RAB21: variants seen among roughly 807,000 people sequenced by gnomAD.
RAB21 encodes RAB21, member RAS oncogene family, also known as ras-related protein Rab-21.
In RAB21, 13 loss-of-function variants were observed where a neutral mutation model predicts 33.1. That is an observed-to-expected ratio of 0.39 (90% CI 0.26 to 0.62). The LOEUF is 0.62. Among genes scored for constraint, RAB21 ranks in the 20% least tolerant of loss-of-function variants. RAB21 has a pLI of 0.48. For missense variants in RAB21, 234 were observed against 279.1 expected, an observed-to-expected ratio of 0.84 and a Z score of 1.15; for synonymous variants, 91 against 103.7, an observed-to-expected ratio of 0.88 and a Z score of 0.74.
At position 71,779,195 on chromosome 12, in the gene RAB21, C is replaced by T. The variant is rs184615631; in HGVS notation, c.392-2836C>T. Reference sequence around the variant, plus strand: ...ACAGTTATGGCCAGGCGTGGTGACTCTGGCCTTTAATCCGAGCATTTAGGG... The same window carrying T: ...ACAGTTATGGCCAGGCGTGGTGACTTTGGCCTTTAATCCGAGCATTTAGGG... On this transcript the variant is annotated intron_variant, in intron 4 of 6. Transcript: ENST00000261263. Among the ~76,000 whole-genome samples the T allele has an allele frequency of 1.4e-3, 207 of 152,300 alleles. 1 individual carries two copies. The highest frequency in any genetic ancestry group is 4.9e-3 in the African/African-American group (202 of 41,552).
rs1467952143 is a variant in RAB21 at position 71,795,946 on chromosome 12, A to G, written c.*10273A>G. The G allele has an allele frequency of 2.9e-5, 4 of 137,816 alleles. 1 individual carries two copies. The highest frequency in any genetic ancestry group is 1.5e-4 in the Admixed American group (2 of 13,400). 8.5% of individuals were successfully genotyped at this position (137,816 alleles called of 1,614,324 possible). ...ATTGCATGTGCCAGTTACTTAATTT[A>G]ATACATCTAATGGGAGATTCAAAGC... On this transcript the variant is annotated 3_prime_UTR_variant, in exon 7 of 7. Transcript: ENST00000261263.
chr12:71,781,023 A>G (rs1056795766), intron 4 of RAB21, among the ~76,000 whole-genome samples: 6 of 152,120 alleles, frequency 3.9e-5, no homozygotes, highest in Non-Finnish European at 7.4e-5. Context: ...AGTATTTTGC[A>G]GTTTCTTCAT....
chr12:71,779,807 T>C (rs973510607), intron 4 of RAB21, among the ~76,000 whole-genome samples: 1 of 152,220 alleles, frequency 6.6e-6, no homozygotes, highest in Non-Finnish European at 1.5e-5. Flanking sequence ...GTCCTTGTTT[T>C]CAGGTGTTTT....
Position 71,791,636 on chromosome 12 carries a change from A to T in RAB21, c.*5963A>T, listed in dbSNP as rs1326411896. 1 of 152,242 alleles carries T rather than the reference A, an allele frequency of 6.6e-6. No individual in the cohort carries two copies. Among genetic ancestry groups the T allele is most frequent in the South Asian group, 2.1e-4 (1 of 4,836 alleles). 9.4% of individuals were successfully genotyped at this position (152,242 alleles called of 1,614,324 possible). A position where few individuals can be genotyped will look rare whatever the true frequency, so the allele number is the denominator to read the frequency against. The stretch of plus-strand genomic sequence containing the variant: ...AACTTGTATTTGATCTGTGCCTTTA[A>T]TATAGAGTAAAAACAAAAGTTCCTT... On this transcript the variant is annotated 3_prime_UTR_variant, in exon 7 of 7. Transcript: ENST00000261263.
chr12:71,778,070 G>A (rs1883146915), intron 4 of RAB21, among the ~76,000 whole-genome samples: 2 of 152,114 alleles, frequency 1.3e-5, no homozygotes, highest in Admixed American at 6.5e-5. Context: ...ATTTCAGTTT[G>A]TCATGTTTTT....
At chr12:71,771,379 G>A (rs1351483589) in intron 3 of RAB21, among the ~76,000 whole-genome samples, 3 of 152,120 alleles carry the variant, frequency 2.0e-5, no homozygotes, top group Non-Finnish European at 4.4e-5. Context: ...TAACTACAGG[G>A]AATAATGCCA....
chr12:71,782,220 T>C (rs910064578), intron 5 of RAB21, 135 bp downstream of exon 5: 9 of 850,636 alleles, frequency 1.1e-5, no homozygotes, highest in Non-Finnish European at 1.6e-5. Flanking sequence ...GAAGCATGTT[T>C]ACATGGTAAT....
rs1883302317 is a variant in RAB21, at chr12:71,786,941, TCA to T, written c.*1269_*1270del. The T allele has an allele frequency of 6.6e-6, 1 of 152,240 alleles. No homozygotes were observed. Among genetic ancestry groups the T allele is most frequent in the African/African-American group, 2.4e-5 (1 of 41,454 alleles). 9.4% of individuals were successfully genotyped at this position (152,240 alleles called of 1,614,324 possible). On this transcript the variant is annotated 3_prime_UTR_variant, in exon 7 of 7. Transcript: ENST00000261263. ...CACTTCTGCAATAGCTTTCATTTTC[TCA>T]TAGGCTTTATAAGAGATGGGTTCAG... is the stretch of plus-strand genomic sequence containing the variant.
intron 4 of RAB21, among the ~76,000 whole-genome samples, chr12:71,776,266 A>C (rs1592647985): frequency 6.6e-6 from 1 of 152,306 alleles, no homozygotes; most frequent in East Asian, 1.9e-4. Context: ...AAATCATCTA[A>C]GTTAAACAAG....
At chr12:71,768,949 C>A (rs1883000858) in intron 1 of RAB21, among the ~76,000 whole-genome samples, 1 of 150,438 alleles carries the variant, frequency 6.6e-6, no homozygotes, top group Non-Finnish European at 1.5e-5. Flanking sequence ...GTGTGTGTGT[C>A]TAAATACATG....
Position 71,792,821 on chromosome 12 carries a change from AT to A in RAB21, c.*7149del, listed in dbSNP as rs1290007019. 3.3e-5 allele frequency: 5 copies of A among 152,206 alleles called. No individual in the cohort carries two copies. Among genetic ancestry groups the A allele is most frequent in the African/African-American group, 1.2e-4 (5 of 41,440 alleles). The allele number at this position is 152,206 out of a possible 1,614,324, so 9.4% of individuals were successfully genotyped here. A position where few individuals can be genotyped will look rare whatever the true frequency, so the allele number is the denominator to read the frequency against. On this transcript the variant is annotated 3_prime_UTR_variant, in exon 7 of 7. Coordinates refer to ENST00000261263, the MANE Select transcript of RAB21 (RefSeq NM_014999.4). ...ATACCTGTTGCACATAGTCCAAGAT[AT>A]AAGTAATTTATCTGGGGATATAAGG...
At chr12:71,782,731 T>G in intron 6 of RAB21, 73 bp downstream of exon 6, 1 of 960,872 alleles carries the variant, frequency 1.0e-6, no homozygotes, top group Non-Finnish European at 1.5e-6. Flanking sequence ...GTATGTATTT[T>G]ACACCAGTGT....
intron 3 of RAB21, among the ~76,000 whole-genome samples, chr12:71,773,602 A>G (rs2137650108): frequency 6.6e-6 from 1 of 152,296 alleles, no homozygotes; most frequent in South Asian, 2.1e-4. Flanking sequence ...TTTTAAACCC[A>G]TATGTTCCTA....
Position 71,793,146 on chromosome 12 carries a change from T to G in RAB21, c.*7473T>G, listed in dbSNP as rs1001586024. 13 of 152,210 alleles carry G rather than the reference T, an allele frequency of 8.5e-5. No homozygotes were observed. The highest frequency in any genetic ancestry group is 3.1e-4 in the African/African-American group (13 of 41,454). 9.4% of individuals were successfully genotyped at this position (152,210 alleles called of 1,614,324 possible). A position where few individuals can be genotyped will look rare whatever the true frequency, so the allele number is the denominator to read the frequency against. On this transcript the variant is annotated 3_prime_UTR_variant, in exon 7 of 7. Transcript: ENST00000261263. ...TGCTTATTTAGACAGCAGCCATTTTTGTTTGGTTTGGTTTGGTTTTGCGGT... is the reference window on the plus strand; with the variant it reads ...TGCTTATTTAGACAGCAGCCATTTTGGTTTGGTTTGGTTTGGTTTTGCGGT...
At chr12:71,756,140 A>G (rs1397966893) in intron 1 of RAB21, among the ~76,000 whole-genome samples, 2 of 152,132 alleles carry the variant, frequency 1.3e-5, no homozygotes, top group African/African-American at 4.8e-5. Flanking sequence ...TGACTTACCA[A>G]TTTGGTCAAA....
rs1883506782 is a variant in RAB21 at position 71,799,279 on chromosome 12, G to C, written c.*13606G>C. 6.6e-6 allele frequency: 1 copy of C among 152,120 alleles called. No individual in the cohort carries two copies. Among genetic ancestry groups the C allele is most frequent in the Non-Finnish European group, 1.5e-5 (1 of 68,032 alleles). The allele number at this position is 152,120 out of a possible 1,614,324, so 9.4% of individuals were successfully genotyped here. On this transcript the variant is annotated 3_prime_UTR_variant, in exon 7 of 7. Transcript: ENST00000261263. ...GTCACTGTGGGATTCATTCCCATAGGCTCAACTTAGATTCCTAAACCCTGC... is the reference window on the plus strand; with the variant it reads ...GTCACTGTGGGATTCATTCCCATAGCCTCAACTTAGATTCCTAAACCCTGC...
intron 1 of RAB21, among the ~76,000 whole-genome samples, chr12:71,757,222 G>A (rs1310765788): frequency 6.6e-6 from 1 of 152,020 alleles, no homozygotes; most frequent in East Asian, 1.9e-4. Flanking sequence ...ATTCTCCTGC[G>A]TCAACCTCTC....
At chr12:71,764,712 G>T (rs575200354) in intron 1 of RAB21, among the ~76,000 whole-genome samples, 1 of 152,146 alleles carries the variant, frequency 6.6e-6, no homozygotes, top group Non-Finnish European at 1.5e-5. Flanking sequence ...ACAATATTTG[G>T]TTTTCCATTC....
At chr12:71,758,501 T>A (rs1882822330) in intron 1 of RAB21, among the ~76,000 whole-genome samples, 1 of 151,486 alleles carries the variant, frequency 6.6e-6, no homozygotes, top group Admixed American at 6.6e-5. Flanking sequence ...TTAAATCCTT[T>A]CACTTTTTTT....
Sources: gnomAD v4.1 joint callset for allele counts (sites outside exome capture counted in the v4.1 genomes callset) on GRCh38, gnomAD v4.1.1 for gene constraint, MANE v1.5 for transcripts, NCBI Gene and HGNC (gene_info 2026-07-23, HGNC 2026-07-21) for gene names.